Variants in CSNK1G1 observed in about 807,000 individuals in gnomAD.
CSNK1G1 encodes the protein casein kinase I isoform gamma-1.
A neutral mutation model predicts 59.6 loss-of-function variants in CSNK1G1; 22 were observed. That is an observed-to-expected ratio of 0.37 (90% CI 0.26 to 0.53). The LOEUF (loss-of-function observed/expected upper bound fraction) is 0.53, where lower values mean the gene tolerates loss of function less well. CSNK1G1 is among the 20% of genes least tolerant of loss of function. The probability of loss-of-function intolerance (pLI) is 0.89; values close to 1 mark genes in which losing one functional copy is unlikely to be tolerated. For missense variants in CSNK1G1, 384 were observed against 519.5 expected (o/e 0.74, Z 2.54); for synonymous variants, 179 against 177.1 (o/e 1.01, Z -0.08).
At position 64,288,463 on chromosome 15, in the gene CSNK1G1, A is replaced by G. The variant is rs539365199; in HGVS notation, c.181+11856T>C. ...GATAAAATAATTGAACCACTTGCCT[A>G]TAGGATTCAGAACTTTAGAATCTAT... is the stretch of plus-strand genomic sequence containing the variant. On this transcript the variant is annotated intron_variant, in intron 2 of 11. Coordinates refer to ENST00000303052, the MANE Select transcript of CSNK1G1 (RefSeq NM_022048.5). Among the ~76,000 whole-genome samples the G allele has an allele frequency of 1.1e-3, 168 of 152,252 alleles. 1 individual carries two copies. Among genetic ancestry groups the G allele is most frequent in the Non-Finnish European group, 6.9e-4 (47 of 68,012 alleles).
rs937491007 is a variant in CSNK1G1, at chr15:64,280,981, G to A, written c.181+19338C>T. 9.9e-5 allele frequency among the ~76,000 whole-genome samples: 15 copies of A among 151,982 alleles called. 1 individual carries two copies. Among genetic ancestry groups the A allele is most frequent in the Admixed American group, 8.5e-4 (13 of 15,260 alleles). ...TGTAAGCTCCGCCTCCTGGGTTCAC[G>A]CCATTATCCTGCCTCAGCCTCCCAA... On this transcript the variant is annotated intron_variant, in intron 2 of 11. Transcript: ENST00000303052.
intron 2 of CSNK1G1, among the ~76,000 whole-genome samples, chr15:64,262,343 G>T (rs1315625801): frequency 6.6e-6 from 1 of 152,240 alleles, no homozygotes; most frequent in Non-Finnish European, 1.5e-5. Context: ...ACGGAGGGTA[G>T]TGAATTTGGG....
chr15:64,181,564 G>A (rs2081814034), intron 10 of CSNK1G1: 3 of 865,182 alleles, frequency 3.5e-6, no homozygotes, highest in South Asian at 3.7e-5. Context: ...GTATGAGACT[G>A]TCTAGTATAA....
intron 4 of CSNK1G1, among the ~76,000 whole-genome samples, chr15:64,249,303 G>A (rs1891942656): frequency 6.6e-6 from 1 of 152,100 alleles, no homozygotes; most frequent in South Asian, 2.1e-4. Context: ...TCTTACACTA[G>A]CGGGTAGGGG....
At chr15:64,253,868 G>A (rs1331713201) in intron 3 of CSNK1G1, among the ~76,000 whole-genome samples, 1 of 152,096 alleles carries the variant, frequency 6.6e-6, no homozygotes, top group African/African-American at 2.4e-5. Flanking sequence ...AGCCAGGCGC[G>A]GTGGCTCACG....
intron 2 of CSNK1G1, among the ~76,000 whole-genome samples, chr15:64,276,764 T>C (rs1231551571): frequency 6.6e-6 from 1 of 151,866 alleles, no homozygotes; most frequent in Non-Finnish European, 1.5e-5. Flanking sequence ...GCTAACACAG[T>C]GAAACCCTGT....
intron 10 of CSNK1G1, among the ~76,000 whole-genome samples, chr15:64,182,355 G>A (rs1237163895): frequency 6.6e-6 from 1 of 152,112 alleles, no homozygotes; most frequent in African/African-American, 2.4e-5. Context: ...TTACAGGCAC[G>A]AGCCACTGTG....
At chr15:64,185,506 G>A (rs376436782) in intron 10 of CSNK1G1, among the ~76,000 whole-genome samples, 1 of 152,200 alleles carries the variant, frequency 6.6e-6, no homozygotes, top group African/African-American at 2.4e-5. Context: ...TTTATAGGGA[G>A]TAGAGGAAGT....
At chr15:64,319,761 G>A (rs1401846063) in intron 1 of CSNK1G1, among the ~76,000 whole-genome samples, 1 of 152,070 alleles carries the variant, frequency 6.6e-6, no homozygotes, top group Non-Finnish European at 1.5e-5. Flanking sequence ...GTGTTGCCCA[G>A]GCTGGTCTTA....
At chr15:64,320,676 CA>C (rs1896513830) in intron 1 of CSNK1G1, among the ~76,000 whole-genome samples, 2 of 93,604 alleles carry the variant, frequency 2.1e-5, no homozygotes, top group Non-Finnish European at 4.2e-5. Context: ...AAGGCTCCAT[CA>C]CAAAAAAAAA....
chr15:64,231,744 A>G (rs1479975859), intron 4 of CSNK1G1, among the ~76,000 whole-genome samples: 2 of 152,092 alleles, frequency 1.3e-5, no homozygotes, highest in Non-Finnish European at 2.9e-5. Flanking sequence ...AAAATTAGAA[A>G]CCATTTTTTC....
Position 64,171,885 on chromosome 15 carries a change from A to G in CSNK1G1, c.*46T>C. The G allele has an allele frequency of 6.6e-7, 1 of 1,508,614 alleles. No homozygotes were observed. Among genetic ancestry groups the G allele is most frequent in the Non-Finnish European group, 9.2e-7 (1 of 1,083,536 alleles). The allele number at this position is 1,508,614 out of a possible 1,614,324, so 93.5% of individuals were successfully genotyped here. ...AGAAATGGCAGGAGCTGCAGGTACA[A>G]TTGAGTCAGAGTCCCCAGGGCCTGA... On this transcript the variant is annotated 3_prime_UTR_variant, in exon 12 of 12. Transcript: ENST00000303052. The surrounding 1 kb of genome is among the most constrained non-coding windows in gnomAD (Gnocchi z 4.8).
intron 1 of CSNK1G1, 68 bp from the exon 2 acceptor site, chr15:64,300,791 C>T: frequency 7.1e-6 from 7 of 983,158 alleles, no homozygotes; most frequent in Non-Finnish European, 9.3e-6. Context: ...AAGTCACTAC[C>T]AATTAGAATG....
chr15:64,353,188 A>T (rs1898413315), intron 1 of CSNK1G1, among the ~76,000 whole-genome samples: 2 of 152,220 alleles, frequency 1.3e-5, no homozygotes, highest in South Asian at 4.1e-4. Context: ...TCTCACAAAC[A>T]TCTATTATTA....
intron 10 of CSNK1G1, among the ~76,000 whole-genome samples, chr15:64,193,152 T>C (rs549866504): frequency 4.6e-5 from 7 of 151,972 alleles, no homozygotes; most frequent in African/African-American, 1.4e-4. Context: ...TTAAAATTTC[T>C]TTTTTTTCTT....
Position 64,213,950 on chromosome 15 carries a change from CCCT to C in CSNK1G1, c.616_618del (p.Arg206del). On this transcript the variant is annotated inframe_deletion, in exon 6 of 12. Transcript: ENST00000303052. Reference sequence around the variant, plus strand: ...GCAGTTCCAGTTAAACTTTTGTGTTCCCTATAAGGTATGTGTTTTTTGGTTTCG... The same window carrying C: ...GCAGTTCCAGTTAAACTTTTGTGTTCATAAGGTATGTGTTTTTTGGTTTCG... 2 of 1,614,110 alleles carry C rather than the reference CCCT, an allele frequency of 1.2e-6. No individual in the cohort carries two copies. The highest frequency in any genetic ancestry group is 1.7e-6 in the Non-Finnish European group (2 of 1,180,008).
intron 4 of CSNK1G1, among the ~76,000 whole-genome samples, chr15:64,243,496 G>T (rs1488940268): frequency 6.6e-6 from 1 of 152,020 alleles, no homozygotes; most frequent in Non-Finnish European, 1.5e-5. Flanking sequence ...AACAAGACAG[G>T]ATGCCGTCTC....
intron 3 of CSNK1G1, 106 bp from the exon 4 acceptor site, chr15:64,251,687 A>G: frequency 1.4e-6 from 1 of 731,772 alleles, no homozygotes. Context: ...TGTTTTAGAG[A>G]TAATATCCAT....
At chr15:64,211,604 T>C (rs940859462) in intron 6 of CSNK1G1, among the ~76,000 whole-genome samples, 4 of 152,184 alleles carry the variant, frequency 2.6e-5, no homozygotes, top group Non-Finnish European at 4.4e-5. Flanking sequence ...AATTACAATA[T>C]GGACTGATAT....
Sources: allele counts gnomAD v4.1 joint callset (sites outside exome capture counted in the v4.1 genomes callset), GRCh38; gene constraint gnomAD v4.1.1; non-coding constraint Gnocchi (gnomAD v3.1); transcripts MANE v1.5; gene names NCBI Gene and HGNC (gene_info 2026-07-23, HGNC 2026-07-21).